The following NAPG variants were observed in gnomAD, a reference collection of about 807,000 sequenced individuals.
NAPG encodes the protein gamma-soluble NSF attachment protein.
NAPG carries 25 observed loss-of-function variants against 48.4 expected under a neutral mutation model. The observed-to-expected ratio is 0.52, with a 90% confidence interval of 0.38 to 0.72. The LOEUF is 0.72. NAPG is among the 30% of genes least tolerant of loss of function. The probability of loss-of-function intolerance (pLI) is 0.00; values close to 1 mark genes in which losing one functional copy is unlikely to be tolerated. For missense variants in NAPG, 359 were observed against 372.5 expected (o/e 0.96, Z 0.30); for synonymous variants, 139 against 127.2 (o/e 1.09, Z -0.62).
At position 10,548,283 on chromosome 18, in the gene NAPG, C is replaced by T. The variant is rs767804240; in HGVS notation, c.586-16C>T. 9 of 1,591,140 alleles carry T rather than the reference C, an allele frequency of 5.7e-6. No individual in the cohort carries two copies. The East Asian group carries it at 1.1e-4, about 20-fold the overall frequency. ...AACAGATGTAAATTTGACCATGATC[C>T]TCTCTTTTGTTTTAGAAAACAATTG... On this transcript the variant is annotated splice_polypyrimidine_tract_variant and intron_variant, in intron 9 of 11. Transcript: ENST00000322897. This position sits in a 1 kb window ranked among gnomAD's most constrained non-coding sequence, Gnocchi z 4.4.
intron 8 of NAPG, among the ~76,000 whole-genome samples, chr18:10,541,201 T>C (rs1442671777): frequency 6.6e-6 from 1 of 152,232 alleles, no homozygotes; most frequent in African/African-American, 2.4e-5. Context: ...AATAAATTAA[T>C]CTAGAATTAA....
At position 10,549,106 on chromosome 18, in the gene NAPG, C is replaced by T. The variant is rs1488455117; in HGVS notation, c.795+10C>T. ...GTACATGGACAATGATGTAAGTGGA[C>T]CCATTTGCATAGCTTTCATCTTTTC... On this transcript the variant is annotated intron_variant, in intron 11 of 11. Transcript: ENST00000322897. 3 of 1,608,202 alleles carry T rather than the reference C, an allele frequency of 1.9e-6. No homozygotes were observed. In the South Asian group the frequency reaches 3.3e-5, roughly 18 times the overall value.
At position 10,544,506 on chromosome 18, in the gene NAPG, T is replaced by C. The variant is rs1238090628; in HGVS notation, c.507-1820T>C. Among the ~76,000 whole-genome samples, 8 of 152,228 alleles carry C rather than the reference T, an allele frequency of 5.3e-5. No individual in the cohort carries two copies. The highest frequency in any genetic ancestry group is 5.2e-4 in the Admixed American group (8 of 15,286). ...CCAGGAACTGCTCTCAGCTTTGAGT[T>C]TGCCTTCAGTTCCTGGCCGTGTGCC... On this transcript the variant is annotated intron_variant, in intron 8 of 11. Coordinates refer to ENST00000322897, the MANE Select transcript of NAPG (RefSeq NM_003826.3). This position sits in a 1 kb window ranked among gnomAD's most constrained non-coding sequence, Gnocchi z 5.1.
chr18:10,526,845 C>G (rs2143081032), intron 1 of NAPG: 2 of 152,448 alleles, frequency 1.3e-5, no homozygotes, highest in Middle Eastern at 3.3e-3. Context: ...CCTCTTCCCC[C>G]CGTTTCATTA....
chr18:10,539,853 C>A lies in NAPG; in HGVS notation c.350C>A (p.Ala117Asp). 1 of 1,613,972 alleles carries A rather than the reference C, an allele frequency of 6.2e-7. No homozygotes were observed. Among genetic ancestry groups the A allele is most frequent in the Non-Finnish European group, 8.5e-7 (1 of 1,179,874 alleles). Residue 117 changes from alanine to aspartate, a missense_variant, in exon 6 of 12, where the codon GCT becomes GAT. By Grantham distance (126) the Ala-to-Asp change is moderately radical. Transcript: ENST00000322897. The surrounding 1 kb of genome is among the most constrained non-coding windows in gnomAD (Gnocchi z 4.7). ...GGCACCCCAGACACAGCAGCCATGG[C>A]TTTGGAGCGAGCTGGAAAGTGAGTG... is the stretch of plus-strand genomic sequence containing the variant. ...ENGTPDTAAM[A>D]LERAGKLIEN...
rs2143153259 is a variant in NAPG, at chr18:10,549,108, C to T, written c.795+12C>T. On this transcript the variant is annotated intron_variant, in intron 11 of 11. Transcript: ENST00000322897. Reference sequence around the variant, plus strand: ...ACATGGACAATGATGTAAGTGGACCCATTTGCATAGCTTTCATCTTTTCTC... The same window carrying T: ...ACATGGACAATGATGTAAGTGGACCTATTTGCATAGCTTTCATCTTTTCTC... 6.2e-7 allele frequency: 1 copy of T among 1,604,244 alleles called. No individual in the cohort carries two copies. The highest frequency in any genetic ancestry group is 1.3e-5 in the African/African-American group (1 of 74,808).
At chr18:10,547,768 A>T (rs1160408438) in intron 9 of NAPG, among the ~76,000 whole-genome samples, 1 of 152,222 alleles carries the variant, frequency 6.6e-6, no homozygotes, top group Non-Finnish European at 1.5e-5. Flanking sequence ...CCAGTAATTT[A>T]TCAGTCATAT....
Position 10,549,042 on chromosome 18 carries a change from A to G in NAPG, c.741A>G (p.Gln247=), listed in dbSNP as rs375506861. The G allele has an allele frequency of 6.8e-6, 11 of 1,613,870 alleles. No individual in the cohort carries two copies. Among genetic ancestry groups the G allele is most frequent in the African/African-American group, 1.3e-5 (1 of 74,928 alleles). ...TTGAAGGTTATGACCAGCAAGACCA[A>G]GATCAGGTGTCAGATGTCTGCAACT... ...QLLEGYDQQD[Q]DQVSDVCNSP... is the part of the protein sequence containing the mutation. The change falls in exon 11 of 12, where the codon CAA becomes CAG. Residue 247 remains glutamine (Q), a synonymous_variant. Coordinates refer to ENST00000322897, the MANE Select transcript of NAPG (RefSeq NM_003826.3).
At chr18:10,533,577 G>A in intron 4 of NAPG, 24 bp downstream of exon 4, 1 of 1,580,034 alleles carries the variant, frequency 6.3e-7, no homozygotes, top group Non-Finnish European at 8.6e-7. Context: ...ATGTTTTCAT[G>A]TATTTGCAAA....
Position 10,544,072 on chromosome 18 carries a change from T to C in NAPG, c.507-2254T>C, listed in dbSNP as rs11664590. On this transcript the variant is annotated intron_variant, in intron 8 of 11. Coordinates refer to ENST00000322897, the MANE Select transcript of NAPG (RefSeq NM_003826.3). This position sits in a 1 kb window ranked among gnomAD's most constrained non-coding sequence, Gnocchi z 5.1. ...TACTGAGATTGCTAATAGAATGATA[T>C]AATCTAGACACGACGGGCACAGAAT... Among the ~76,000 whole-genome samples, 809 of 152,382 alleles carry C rather than the reference T, an allele frequency of 5.3e-3. 2 individuals are homozygous for C. Among genetic ancestry groups the C allele is most frequent in the Non-Finnish European group, 9.1e-3 (621 of 68,038 alleles).
At chr18:10,545,097 A>C (rs1486596566) in intron 8 of NAPG, among the ~76,000 whole-genome samples, 1 of 152,110 alleles carries the variant, frequency 6.6e-6, no homozygotes, top group Non-Finnish European at 1.5e-5. Flanking sequence ...GGATCCCCTG[A>C]GGTCAGGAGT....
chr18:10,526,838 C>T (rs1355691914), intron 1 of NAPG: 1 of 152,332 alleles, frequency 6.6e-6, no homozygotes. Flanking sequence ...TTGGCAGCCT[C>T]TTCCCCCCGT....
chr18:10,530,936 C>A, intron 2 of NAPG, 99 bp downstream of exon 2: 4 of 906,980 alleles, frequency 4.4e-6, no homozygotes, highest in Non-Finnish European at 6.1e-6. Flanking sequence ...TTCTATAAGG[C>A]TTTAATAGTT....
At position 10,539,060 on chromosome 18, in the gene NAPG, AAT is replaced by A. The variant is rs1331188058; in HGVS notation, c.259-701_259-700del. 3 of 152,200 alleles carry A rather than the reference AAT, an allele frequency of 2.0e-5. No homozygotes were observed. Among genetic ancestry groups the A allele is most frequent in the African/African-American group, 7.2e-5 (3 of 41,442 alleles). The allele number at this position is 152,200 out of a possible 1,614,324, so 9.4% of individuals were successfully genotyped here. A position where few individuals can be genotyped will look rare whatever the true frequency, so the allele number is the denominator to read the frequency against. On this transcript the variant is annotated intron_variant, in intron 5 of 11. Transcript: ENST00000322897. This position sits in a 1 kb window ranked among gnomAD's most constrained non-coding sequence, Gnocchi z 4.7. ...TTTTTATACTGTTGGTGGGAGTGTAAATTAGTTCAACCGTTGTGGAAGACAGT... is the reference window on the plus strand; with the variant it reads ...TTTTTATACTGTTGGTGGGAGTGTAATAGTTCAACCGTTGTGGAAGACAGT...
chr18:10,529,150 G>A (rs552432869), intron 1 of NAPG, among the ~76,000 whole-genome samples: 55 of 152,252 alleles, frequency 3.6e-4, no homozygotes, highest in African/African-American at 1.2e-3. Context: ...GGGTCTTTCC[G>A]TGTATAGCAC....
rs936696982 is a variant in NAPG at position 10,534,545 on chromosome 18, A to T, written c.258+49A>T. On this transcript the variant is annotated intron_variant, in intron 5 of 11. Coordinates refer to ENST00000322897, the MANE Select transcript of NAPG (RefSeq NM_003826.3). This position sits in a 1 kb window ranked among gnomAD's most constrained non-coding sequence, Gnocchi z 5.0. ...GTTGTGTAGGTAAAATGAATTAACT[A>T]CAAGGTGTTAAACAAGAATTTTTGT... is the stretch of plus-strand genomic sequence containing the variant. 1.3e-6 allele frequency: 2 copies of T among 1,569,410 alleles called. No individual in the cohort carries two copies. The highest frequency in any genetic ancestry group is 2.7e-5 in the African/African-American group (2 of 74,026).
At chr18:10,549,409 T>C (rs2032339442) in intron 11 of NAPG, among the ~76,000 whole-genome samples, 1 of 152,230 alleles carries the variant, frequency 6.6e-6, no homozygotes, top group African/African-American at 2.4e-5. Flanking sequence ...CTTTTATTCA[T>C]TTCTTTTAGA....
Position 10,526,046 on chromosome 18 carries a change from G to C in NAPG, c.-57G>C, listed in dbSNP as rs751591173. On this transcript the variant is annotated 5_prime_UTR_variant, in exon 1 of 12. Transcript: ENST00000322897. ...CCACGCCTATTTGGGCGGATTCTTG[G>C]CGCCGGAGGAAGAGGCAGGGTCACC... The C allele has an allele frequency of 3.9e-6, 6 of 1,549,224 alleles. No individual in the cohort carries two copies. The highest frequency in any genetic ancestry group is 5.3e-6 in the Non-Finnish European group (6 of 1,122,544).
intron 1 of NAPG, among the ~76,000 whole-genome samples, chr18:10,527,288 C>G (rs1005367441): frequency 1.1e-4 from 17 of 152,050 alleles, no homozygotes; most frequent in African/African-American, 3.6e-4. Context: ...CAATAACTTT[C>G]CAAATAGAGA....
Sources: gnomAD v4.1 joint callset for allele counts (sites outside exome capture counted in the v4.1 genomes callset) on GRCh38, gnomAD v4.1.1 for gene constraint, Gnocchi (gnomAD v3.1) non-coding constraint, MANE v1.5 for transcripts, NCBI Gene and HGNC (gene_info 2026-07-23, HGNC 2026-07-21) for gene names.